The following HPS3 variants were observed in gnomAD, a reference collection of about 807,000 sequenced individuals.
The protein encoded by HPS3 is HPS3 biogenesis of lysosomal organelles complex 2 subunit 1, also known as BLOC-2 complex member HPS3.
In HPS3, 79 loss-of-function variants were observed where a neutral mutation model predicts 110.9. The observed-to-expected ratio is 0.71, with a 90% CI of 0.59 to 0.86. The LOEUF (loss-of-function observed/expected upper bound fraction) is 0.86. Ranked by LOEUF, HPS3 falls within the 40% of genes least tolerant of loss-of-function variation. The pLI is 0.00. For synonymous variants in HPS3, 428 were observed against 451.0 expected, an observed-to-expected ratio of 0.95 and a Z score of 0.65; for missense variants, 1,197 against 1,206.2, an observed-to-expected ratio of 0.99 and a Z score of 0.11.
At chr3:149,153,754 T>C in intron 7 of HPS3, 106 bp downstream of exon 7, 8 of 1,195,100 alleles carry the variant, frequency 6.7e-6, no homozygotes, top group Non-Finnish European at 9.9e-6. Context: ...AATGATCAAA[T>C]GGCTTTTTTA....
intron 6 of HPS3, 51 bp downstream of exon 6, chr3:149,150,731 C>T: frequency 7.3e-7 from 1 of 1,361,018 alleles, no homozygotes; most frequent in Non-Finnish European, 1.1e-6. Context: ...CAAGGGAGCA[C>T]ATGAATACTC....
At chr3:149,141,519 GTTTTTTTTTTTGTTT>G in intron 4 of HPS3, 139 bp downstream of exon 4, 1 of 392,312 alleles carries the variant, frequency 2.5e-6, no homozygotes, top group Non-Finnish European at 4.6e-6. Context: ...CTTTAACAAA[GTTTTTTTTTTTGTTT>G]TTTTTTTTTT....
intron 1 of HPS3, among the ~76,000 whole-genome samples, chr3:149,135,177 T>G (rs192633683): frequency 1.2e-3 from 187 of 152,290 alleles, no homozygotes; most frequent in African/African-American, 4.4e-3. Flanking sequence ...TCAAATTAGC[T>G]GAAAGTTTTT....
chr3:149,167,264 T>C (rs1297462740), intron 15 of HPS3, 24 bp downstream of exon 15: 1 of 1,569,900 alleles, frequency 6.4e-7, no homozygotes, highest in South Asian at 1.1e-5. Context: ...GATTATGTTT[T>C]TAGGCTTGAT....
rs530538539 is a variant in HPS3 at position 149,148,032 on chromosome 3, G to A, written c.1163+2486G>A. Among the ~76,000 whole-genome samples the A allele has an allele frequency of 8.6e-5, 13 of 152,006 alleles. No individual in the cohort carries two copies. The South Asian group carries it at 2.7e-3, about 32-fold the overall frequency. ...ATTATAGGCACCTGCCGCCATGCCC[G>A]ACTAATTTTTTTGTATTTTTAGTAG... On this transcript the variant is annotated intron_variant, in intron 5 of 16. Transcript: ENST00000296051.
chr3:149,153,836 A>T (rs1576682103), intron 7 of HPS3, 188 bp downstream of exon 7: 2 of 625,610 alleles, frequency 3.2e-6, no homozygotes, highest in East Asian at 5.5e-5. Flanking sequence ...ACTGACCTGG[A>T]AACTTTTAGG....
rs1032570128 is a variant in HPS3 at position 149,160,253 on chromosome 3, AGAAAT to A, written c.2090_2094del (p.Met697LysfsTer59). 1 of 1,613,518 alleles carries A rather than the reference AGAAAT, an allele frequency of 6.2e-7. No individual in the cohort carries two copies. The highest frequency in any genetic ancestry group is 1.3e-5 in the African/African-American group (1 of 75,026). ...GAAAATGGGAGATCTTGACATGCAC[AGAAAT>A]GAAATGAAAAGCCATTCAGAGGTAT... On this transcript the variant is annotated frameshift_variant, in exon 11 of 17. Transcript: ENST00000296051. LOFTEE classifies it high-confidence loss of function.
chr3:149,168,458 A>C (rs1250844260), intron 16 of HPS3: 1 of 174,292 alleles, frequency 5.7e-6, no homozygotes, highest in Non-Finnish European at 1.2e-5. Flanking sequence ...TTCATAATTC[A>C]TAATCATAAA....
At chr3:149,153,963 T>C in intron 7 of HPS3, 1 of 323,474 alleles carries the variant, frequency 3.1e-6, no homozygotes, top group Non-Finnish European at 5.7e-6. Context: ...TAATTGAAAC[T>C]ACAGGACTTT....
intron 5 of HPS3, among the ~76,000 whole-genome samples, chr3:149,147,718 C>T (rs781262024): frequency 1.4e-4 from 22 of 152,200 alleles, no homozygotes; most frequent in African/African-American, 2.4e-4. Context: ...ACTTGTAATG[C>T]GTGGGTTTTG....
At chr3:149,135,126 TCTCTA>T (rs1277449076) in intron 1 of HPS3, among the ~76,000 whole-genome samples, 3 of 152,038 alleles carry the variant, frequency 2.0e-5, no homozygotes, top group Admixed American at 6.5e-5. Flanking sequence ...GCTTTTCAGG[TCTCTA>T]CTCAAGCAGA....
At chr3:149,167,757 T>C (rs1321722315) in intron 15 of HPS3, 136 bp from the exon 16 acceptor site, 5 of 692,274 alleles carry the variant, frequency 7.2e-6, no homozygotes, top group Non-Finnish European at 1.3e-5. Context: ...ATAACTTATG[T>C]TATAACAAAG....
chr3:149,153,888 GTT>G, intron 7 of HPS3: 1 of 541,800 alleles, frequency 1.8e-6, no homozygotes, highest in South Asian at 2.2e-5. Context: ...AATCAAAGGT[GTT>G]TTAGATTAGT....
At chr3:149,148,619 G>A (rs1313881423) in intron 5 of HPS3, among the ~76,000 whole-genome samples, 2 of 151,124 alleles carry the variant, frequency 1.3e-5, no homozygotes, top group Non-Finnish European at 3.0e-5. Context: ...TGGCCAGACT[G>A]GTCTGGAACT....
intron 1 of HPS3, among the ~76,000 whole-genome samples, chr3:149,139,758 T>C (rs1722318479): frequency 6.6e-6 from 1 of 152,212 alleles, no homozygotes; most frequent in African/African-American, 2.4e-5. Flanking sequence ...ATATGAACTT[T>C]CTGTATGTTA....
At chr3:149,153,708 T>G in intron 7 of HPS3, 60 bp downstream of exon 7, 1 of 1,514,032 alleles carries the variant, frequency 6.6e-7, no homozygotes, top group Non-Finnish European at 9.2e-7. Context: ...GTAACTGGTA[T>G]ATTTTGTGTT....
In HPS3 at chr3:149,153,610, A is replaced by G; in HGVS notation, c.1362A>G (p.Glu454=). The change falls in exon 7 of 17, where the codon GAA becomes GAG. Residue 454 remains glutamate (E), a synonymous_variant. Transcript: ENST00000296051. ...TACTTTTGACTAAAGCAGAACCTGA[A>G]GCCATTCCAGAGAGAAGACAGTCAC... ...HIILLTKAEP[E]AIPERRQSPK... is the part of the protein sequence containing the mutation. 1 of 1,614,240 alleles carries G rather than the reference A, an allele frequency of 6.2e-7. No individual in the cohort carries two copies. The highest frequency in any genetic ancestry group is 8.5e-7 in the Non-Finnish European group (1 of 1,180,034).
In HPS3 at chr3:149,148,257, T is replaced by A. The variant is rs567066755; in HGVS notation, c.1164-2342T>A. On this transcript the variant is annotated intron_variant, in intron 5 of 16. Transcript: ENST00000296051. ...TCTTGAAAAGTTTCTGGAAGATAGG[T>A]ATACGCCTAAAGAAAGCAATAGAGA... 1.1e-4 allele frequency among the ~76,000 whole-genome samples: 16 copies of A among 152,186 alleles called. No homozygotes were observed. The South Asian group carries it at 3.3e-3, about 32-fold the overall frequency.
intron 2 of HPS3, 109 bp downstream of exon 2, chr3:149,140,607 G>C: frequency 8.4e-7 from 1 of 1,186,184 alleles, no homozygotes. Flanking sequence ...GTTATTTATA[G>C]ATTTAGTTAT....
Sources: gnomAD v4.1 joint callset for allele counts (sites outside exome capture counted in the v4.1 genomes callset) on GRCh38, gnomAD v4.1.1 for gene constraint, MANE v1.5 for transcripts, NCBI Gene and HGNC (gene_info 2026-07-23, HGNC 2026-07-21) for gene names.